Variants in SAMD5 observed in about 807,000 individuals in gnomAD.
SAMD5 encodes the protein sterile alpha motif domain containing 5, also known as sterile alpha motif domain-containing protein 5.
SAMD5 carries 13 observed loss-of-function variants against 11.3 expected under a neutral mutation model. That is an observed-to-expected ratio of 1.15 (90% CI 0.75 to 1.83). The LOEUF (loss-of-function observed/expected upper bound fraction) is 1.83. Among genes scored for constraint, SAMD5 ranks in the 40% most tolerant of loss-of-function variants. The pLI, the probability that SAMD5 is intolerant of heterozygous loss-of-function variation, is 0.00. For missense variants in SAMD5, 255 were observed against 239.1 expected, an observed-to-expected ratio of 1.07 and a Z score of -0.44; for synonymous variants, 129 against 111.3, an observed-to-expected ratio of 1.16 and a Z score of -1.00.
intron 1 of SAMD5, among the ~76,000 whole-genome samples, chr6:147,583,074 C>T (rs183813392): frequency 1.7e-4 from 26 of 152,292 alleles, no homozygotes; most frequent in African/African-American, 6.3e-4. Flanking sequence ...CTTAAAGCAA[C>T]ATACCCTTTC....
At chr6:147,943,648 C>G in the SAMD5 span, among the ~76,000 whole-genome samples, 1 of 152,112 alleles carries the variant, frequency 6.6e-6, no homozygotes, top group African/African-American at 2.4e-5. Flanking sequence ...TTCTGCTCCT[C>G]TCCCTAACTC....
chr6:147,561,972 G>C (rs888128363), intron 1 of SAMD5, among the ~76,000 whole-genome samples: 6 of 152,170 alleles, frequency 3.9e-5, no homozygotes, highest in African/African-American at 1.4e-4. Flanking sequence ...CGGAAATCCT[G>C]TTCATCTGCC....
the SAMD5 span, among the ~76,000 whole-genome samples, chr6:147,936,405 C>G: frequency 6.7e-6 from 1 of 148,576 alleles, no homozygotes; most frequent in Non-Finnish European, 1.5e-5. Context: ...GAAGGGGGAG[C>G]AGGCACATCA....
rs561422682 is a variant in SAMD5, at chr6:147,538,306, T to C, written c.460-26088T>C. On this transcript the variant is annotated intron_variant, in intron 1 of 1. Transcript: ENST00000367474. ...CCTTTCACTTTGCTTGAACTTCTAGTTTTGTTTCATTACTCTTTTAGGTTA... is the reference window on the plus strand; with the variant it reads ...CCTTTCACTTTGCTTGAACTTCTAGCTTTGTTTCATTACTCTTTTAGGTTA... 1.1e-3 allele frequency among the ~76,000 whole-genome samples: 172 copies of C among 152,328 alleles called. 1 individual carries two copies. Among genetic ancestry groups the C allele is most frequent in the African/African-American group, 3.9e-3 (162 of 41,562 alleles).
downstream of SAMD5, among the ~76,000 whole-genome samples, chr6:147,574,784 A>G (rs1216816832): frequency 6.6e-6 from 1 of 152,146 alleles, no homozygotes; most frequent in African/African-American, 2.4e-5. Flanking sequence ...GAGGAACTTA[A>G]TACCATTACT....
At chr6:147,828,360 A>G in the SAMD5 span, among the ~76,000 whole-genome samples, 1 of 152,238 alleles carries the variant, frequency 6.6e-6, no homozygotes, top group South Asian at 2.1e-4. Context: ...TTGAATGTCA[A>G]CTTGATTGGA....
the SAMD5 span, among the ~76,000 whole-genome samples, chr6:147,760,378 A>G: frequency 0.019 from 2,883 of 152,220 alleles, 82 homozygotes; most frequent in African/African-American, 0.066. Context: ...TATTTTTTTG[A>G]CTGTCATGGA....
chr6:147,624,607 A>C (rs1409031250), intron 1 of SAMD5, among the ~76,000 whole-genome samples: 2 of 152,184 alleles, frequency 1.3e-5, no homozygotes, highest in Non-Finnish European at 2.9e-5. Flanking sequence ...ATATGTATAT[A>C]CCACAGTTTC....
chr6:147,532,512 T>C (rs1043256572), intron 1 of SAMD5, among the ~76,000 whole-genome samples: 5 of 152,202 alleles, frequency 3.3e-5, no homozygotes, highest in Non-Finnish European at 7.3e-5. Flanking sequence ...ACATCCCACA[T>C]TATCTTTATT....
At chr6:147,825,477 T>C in the SAMD5 span, among the ~76,000 whole-genome samples, 19 of 152,342 alleles carry the variant, frequency 1.2e-4, no homozygotes, top group South Asian at 3.9e-3. Context: ...CTTGGCATAT[T>C]TATATGGATG....
intron 1 of SAMD5, among the ~76,000 whole-genome samples, chr6:147,510,513 C>T (rs1159270291): frequency 6.6e-6 from 1 of 152,168 alleles, no homozygotes; most frequent in African/African-American, 2.4e-5. Flanking sequence ...CACAGAAACC[C>T]AACTCCCTAA....
At chr6:147,787,719 T>C in the SAMD5 span, among the ~76,000 whole-genome samples, 34 of 150,510 alleles carry the variant, frequency 2.3e-4, no homozygotes, top group African/African-American at 8.2e-4. Context: ...TGCTTCTGTG[T>C]GATGCAAATT....
the SAMD5 span, among the ~76,000 whole-genome samples, chr6:147,921,688 G>A: frequency 1.9e-4 from 29 of 152,132 alleles, no homozygotes; most frequent in East Asian, 3.9e-4. Flanking sequence ...GTGTTGGATC[G>A]AGGTGATTCT....
chr6:147,806,264 G>A, the SAMD5 span, among the ~76,000 whole-genome samples: 167 of 152,138 alleles, frequency 1.1e-3, 1 homozygote, highest in Non-Finnish European at 8.1e-4. Context: ...CATCAACAGC[G>A]ACACTAAGGG....
At chr6:147,922,937 A>C in the SAMD5 span, among the ~76,000 whole-genome samples, 1 of 152,140 alleles carries the variant, frequency 6.6e-6, no homozygotes, top group Non-Finnish European at 1.5e-5. Flanking sequence ...AAGTGTAAAC[A>C]CATTTCTTTC....
the SAMD5 span, among the ~76,000 whole-genome samples, chr6:147,898,659 A>G: frequency 6.6e-6 from 1 of 152,184 alleles, no homozygotes; most frequent in Non-Finnish European, 1.5e-5. Flanking sequence ...TATTCATTGC[A>G]TATAATTTCT....
chr6:147,658,868 T>G (rs1048758715), intron 1 of SAMD5, among the ~76,000 whole-genome samples: 1 of 152,206 alleles, frequency 6.6e-6, no homozygotes. Flanking sequence ...GCTAAACCCT[T>G]GTATGGATCA....
intron 1 of SAMD5, among the ~76,000 whole-genome samples, chr6:147,713,073 T>C (rs148565786): frequency 0.016 from 2,396 of 152,240 alleles, 36 homozygotes; most frequent in African/African-American, 0.045. Flanking sequence ...ATGTCAAGCA[T>C]GTTGCTACTT....
intron 1 of SAMD5, among the ~76,000 whole-genome samples, chr6:147,547,034 C>T (rs1028539209): frequency 5.3e-5 from 8 of 152,182 alleles, no homozygotes; most frequent in African/African-American, 1.9e-4. Context: ...ACTTTGGGTC[C>T]TGCCTTTCCA....
Sources: gnomAD v4.1 joint callset for allele counts (sites outside exome capture counted in the v4.1 genomes callset) on GRCh38, gnomAD v4.1.1 for gene constraint, MANE v1.5 for transcripts, NCBI Gene and HGNC (gene_info 2026-07-23, HGNC 2026-07-21) for gene names.